BLM: variants seen among roughly 807,000 people sequenced by gnomAD.
The protein encoded by BLM is BLM RecQ like helicase, also known as recQ-like DNA helicase BLM.
A neutral mutation model predicts 135.3 loss-of-function variants in BLM; 95 were observed. The ratio of observed to expected loss-of-function variants is 0.70; its 90% confidence interval spans 0.59 to 0.83. The LOEUF is 0.83. Ranked by LOEUF, BLM falls within the 40% of genes least tolerant of loss-of-function variation. BLM has a pLI of 0.00. For missense variants in BLM, 1,518 were observed against 1,663.9 expected, an observed-to-expected ratio of 0.91 and a Z score of 1.53; for synonymous variants, 520 against 589.2, an observed-to-expected ratio of 0.88 and a Z score of 1.70.
At chr15:90,718,855 G>A (rs1894681463) in intron 1 of BLM, among the ~76,000 whole-genome samples, 1 of 152,166 alleles carries the variant, frequency 6.6e-6, no homozygotes, top group Admixed American at 6.5e-5. Flanking sequence ...ATCCGCTTCA[G>A]GACAGGTGGT....
chr15:90,779,127 C>T (rs759034190), intron 12 of BLM, among the ~76,000 whole-genome samples: 12 of 152,044 alleles, frequency 7.9e-5, no homozygotes, highest in African/African-American at 1.7e-4. Flanking sequence ...CCTCATGATC[C>T]GCCCAACTCA....
chr15:90,735,990 A>G (rs1397040892), intron 1 of BLM, among the ~76,000 whole-genome samples: 1 of 152,258 alleles, frequency 6.6e-6, no homozygotes, highest in South Asian at 2.1e-4. Flanking sequence ...AAAAAGATTC[A>G]AAAACCATCC....
At chr15:90,775,758 C>T (rs1392241909) in intron 12 of BLM, among the ~76,000 whole-genome samples, 2 of 152,054 alleles carry the variant, frequency 1.3e-5, no homozygotes, top group Admixed American at 6.6e-5. Flanking sequence ...GTGATCCACC[C>T]GCCCCAGCCT....
rs147148171 is a variant in BLM, at chr15:90,803,588, C to G, written c.3426C>G (p.Ala1142=). Residue 1142 remains alanine, a synonymous_variant, in exon 18 of 22, where the codon GCC becomes GCG. Coordinates refer to ENST00000355112, the MANE Select transcript of BLM (RefSeq NM_000057.4). ...GKGSAYSRHN[A]ERLFKKLILD... ...GATCTGCTTATTCACGACACAATGC[C>G]GAAAGACTTTTTAAAAAGCTGATAC... 6.2e-7 allele frequency: 1 copy of G among 1,613,662 alleles called. No homozygotes were observed. Among genetic ancestry groups the G allele is most frequent in the African/African-American group, 1.3e-5 (1 of 74,882 alleles).
chr15:90,808,970 C>T, intron 19 of BLM, 167 bp from the exon 20 acceptor site: 2 of 858,736 alleles, frequency 2.3e-6, no homozygotes, highest in South Asian at 1.5e-5. Flanking sequence ...TGCCTGTCTG[C>T]TGCCTCTGAG....
Position 90,781,438 on chromosome 15 carries a change from A to G in BLM, c.2556-1384A>G, listed in dbSNP as rs28385051. Among the ~76,000 whole-genome samples, 396 of 152,296 alleles carry G rather than the reference A, an allele frequency of 2.6e-3. 3 individuals carry two copies. Among genetic ancestry groups the G allele is most frequent in the African/African-American group, 9.2e-3 (383 of 41,566 alleles). The stretch of plus-strand genomic sequence containing the variant: ...TCAGGAGTTTGAGACCAGCCTGGCC[A>G]ACATGGTGAAACCCCATCTCTACTA... On this transcript the variant is annotated intron_variant, in intron 12 of 21. Coordinates refer to ENST00000355112, the MANE Select transcript of BLM (RefSeq NM_000057.4).
chr15:90,768,493 C>T (rs1429259227), intron 10 of BLM, among the ~76,000 whole-genome samples: 4 of 152,100 alleles, frequency 2.6e-5, no homozygotes, highest in Non-Finnish European at 4.4e-5. Context: ...ATTTTTCCCC[C>T]AGCCAACACG....
chr15:90,774,690 C>T (rs1278502909), intron 12 of BLM, among the ~76,000 whole-genome samples: 2 of 151,438 alleles, frequency 1.3e-5, no homozygotes, highest in East Asian at 2.0e-4. Context: ...AAAAATTAGC[C>T]GGGCGTGGTG....
At chr15:90,803,181 T>G (rs924499603) in intron 17 of BLM, among the ~76,000 whole-genome samples, 3 of 145,554 alleles carry the variant, frequency 2.1e-5, no homozygotes, top group African/African-American at 7.7e-5. Flanking sequence ...AAAAAAAAAA[T>G]GTAGATAAGT....
chr15:90,748,069 G>A (rs1895554425), intron 2 of BLM, among the ~76,000 whole-genome samples: 1 of 150,166 alleles, frequency 6.7e-6, no homozygotes. Flanking sequence ...GCCTCCCAAA[G>A]TGCTGGGATT....
chr15:90,793,603 G>A (rs1896958392), intron 15 of BLM, among the ~76,000 whole-genome samples: 1 of 152,170 alleles, frequency 6.6e-6, no homozygotes. Context: ...GCTTTGCAAA[G>A]ATGAGATATT....
chr15:90,729,840 A>T (rs75237898), intron 1 of BLM, among the ~76,000 whole-genome samples: 5,094 of 151,810 alleles, frequency 0.034, 279 homozygotes, highest in African/African-American at 0.12. Context: ...TAAGATTTTT[A>T]TTTTTATTTT....
At chr15:90,811,456 C>T in intron 21 of BLM, 50 bp downstream of exon 21, 1 of 1,568,464 alleles carries the variant, frequency 6.4e-7, no homozygotes, top group Admixed American at 1.7e-5. Context: ...GAAGAAAGGA[C>T]AAAAGTGCAA....
intron 5 of BLM, 141 bp from the exon 6 acceptor site, chr15:90,760,006 T>G: frequency 3.1e-6 from 2 of 647,340 alleles, no homozygotes; most frequent in Non-Finnish European, 5.3e-6. Context: ...CCCAGGCTGG[T>G]CTTGAACTCC....
chr15:90,776,172 G>T (rs1242892045), intron 12 of BLM, among the ~76,000 whole-genome samples: 1 of 152,234 alleles, frequency 6.6e-6, no homozygotes, highest in East Asian at 1.9e-4. Flanking sequence ...ATTACGTAAT[G>T]ATCAGTCATC....
intron 2 of BLM, among the ~76,000 whole-genome samples, chr15:90,748,832 A>G (rs1211227751): frequency 1.3e-5 from 2 of 149,892 alleles, no homozygotes; most frequent in East Asian, 2.0e-4. Flanking sequence ...GTCTCGGCTC[A>G]CTGTAACCTC....
At chr15:90,756,753 A>G (rs1895830410) in intron 5 of BLM, among the ~76,000 whole-genome samples, 1 of 152,226 alleles carries the variant, frequency 6.6e-6, no homozygotes, top group South Asian at 2.1e-4. Flanking sequence ...GGAGACACAA[A>G]AGACTTGACT....
In BLM at chr15:90,785,042, T is replaced by A. The variant is rs1032746564; in HGVS notation, c.2784T>A (p.Asp928Glu). 4 of 1,614,116 alleles carry A rather than the reference T, an allele frequency of 2.5e-6. No individual in the cohort carries two copies. The change falls in exon 14 of 22, where the codon GAT (aspartate) becomes GAA (glutamate). Residue 928 changes from aspartate to glutamate, a missense_variant. Transcript: ENST00000355112. ...YHAGLSDSAR[D>E]EVQQKWINQD... ...CTGGCCTCAGTGATTCTGCCAGAGA[T>A]GAAGTGCAGCAGAAGTGGATTAATC...
At chr15:90,753,827 A>G (rs1856368952) in intron 4 of BLM, among the ~76,000 whole-genome samples, 1 of 152,166 alleles carries the variant, frequency 6.6e-6, no homozygotes, top group African/African-American at 2.4e-5. Context: ...GCCACAATTT[A>G]CCTTTTTCAG....
Sources: allele counts gnomAD v4.1 joint callset (sites outside exome capture counted in the v4.1 genomes callset), GRCh38; gene constraint gnomAD v4.1.1; transcripts MANE v1.5; gene names NCBI Gene and HGNC (gene_info 2026-07-23, HGNC 2026-07-21).